Variants in SKI observed in about 807,000 individuals in gnomAD.
SKI encodes the protein ski oncogene.
In SKI, 23 loss-of-function variants were observed where a neutral mutation model predicts 59.3. The ratio of observed to expected loss-of-function variants is 0.39; its 90% CI spans 0.28 to 0.55. The LOEUF (loss-of-function observed/expected upper bound fraction) is 0.55. Among genes scored for constraint, SKI ranks in the 20% least tolerant of loss-of-function variants. The pLI is 0.67. For missense variants in SKI, 1,017 were observed against 1,038.9 expected, an observed-to-expected ratio of 0.98 and a Z score of 0.29; for synonymous variants, 673 against 488.6, an observed-to-expected ratio of 1.38 and a Z score of -4.98.
chr1:2,302,379 C>A (rs1158039415), intron 1 of SKI, among the ~76,000 whole-genome samples: 1 of 152,198 alleles, frequency 6.6e-6, no homozygotes, highest in African/African-American at 2.4e-5. Flanking sequence ...ATGTTTCCTT[C>A]CCATGGGGAG....
At chr1:2,260,661 C>A (rs1176339096) in intron 1 of SKI, among the ~76,000 whole-genome samples, 1 of 150,058 alleles carries the variant, frequency 6.7e-6, no homozygotes, top group Non-Finnish European at 1.5e-5. Flanking sequence ...CTGCCTCAGC[C>A]TCCTGGCTAG....
chr1:2,288,715 A>G (rs1640098523), intron 1 of SKI, among the ~76,000 whole-genome samples: 1 of 152,134 alleles, frequency 6.6e-6, no homozygotes, highest in Non-Finnish European at 1.5e-5. Flanking sequence ...CCACACATGG[A>G]TGAAACTAGC....
intron 1 of SKI, among the ~76,000 whole-genome samples, chr1:2,275,318 T>C (rs1450403810): frequency 6.6e-6 from 1 of 152,130 alleles, no homozygotes; most frequent in Non-Finnish European, 1.5e-5. Context: ...GAGTTCGAGG[T>C]TCCCACAGGG....
chr1:2,280,821 A>C (rs12120210), intron 1 of SKI, among the ~76,000 whole-genome samples: 2 of 9,246 alleles, frequency 2.2e-4, no homozygotes, highest in Non-Finnish European at 2.1e-4. Context: ...CTTCAGAGAG[A>C]GGACGCCCGA....
At chr1:2,235,965 A>G (rs1243770991) in intron 1 of SKI, among the ~76,000 whole-genome samples, 1 of 152,118 alleles carries the variant, frequency 6.6e-6, no homozygotes, top group East Asian at 1.9e-4. Flanking sequence ...GGGCTTTGAG[A>G]GGCGTCTCGG....
chr1:2,303,496 C>T lies in SKI; in HGVS notation c.1211+96C>T, dbSNP rs1640480301. The T allele has an allele frequency of 1.3e-5, 15 of 1,121,232 alleles. No homozygotes were observed. The Admixed American group carries it at 2.4e-4, about 18-fold the overall frequency. The allele number at this position is 1,121,232 out of a possible 1,614,324, so 69.5% of individuals were successfully genotyped here. ...GCCCATGTTTCTGCAGGCTGGGTGC[C>T]CAGACCTGCCGCCTTTTGGTCAGGG... On this transcript the variant is annotated intron_variant, in intron 3 of 6. Coordinates refer to ENST00000378536, the MANE Select transcript of SKI (RefSeq NM_003036.4). This position sits in a 1 kb window ranked among gnomAD's most constrained non-coding sequence, Gnocchi z 5.6.
chr1:2,241,215 A>G (rs1379198428), intron 1 of SKI, among the ~76,000 whole-genome samples: 1 of 152,194 alleles, frequency 6.6e-6, no homozygotes, highest in African/African-American at 2.4e-5. Flanking sequence ...GTCATTATGA[A>G]CTTGCGGCTT....
chr1:2,304,209 G>A (rs1166250084), intron 4 of SKI, 84 bp from the exon 5 acceptor site: 10 of 1,563,080 alleles, frequency 6.4e-6, no homozygotes, highest in African/African-American at 4.1e-5. Context: ...TGTTTCGCAG[G>A]TTCCTCCGGG....
rs1264397995 is a variant in SKI at position 2,270,890 on chromosome 1, G to A, written c.970-32088G>A. 1.3e-5 allele frequency among the ~76,000 whole-genome samples: 2 copies of A among 152,218 alleles called. No individual in the cohort carries two copies. The highest frequency in any genetic ancestry group is 2.9e-5 in the Non-Finnish European group (2 of 68,036). On this transcript the variant is annotated intron_variant, in intron 1 of 6. Transcript: ENST00000378536. The surrounding 1 kb of genome is among the most constrained non-coding windows in gnomAD (Gnocchi z 4.1). ...CTCCTGCCCCAGGGCACCTGGCCCT[G>A]TCCCGGGCCACCCCAGGCTGGACCA...
At chr1:2,288,530 T>C (rs1311724491) in intron 1 of SKI, among the ~76,000 whole-genome samples, 1 of 152,234 alleles carries the variant, frequency 6.6e-6, no homozygotes, top group African/African-American at 2.4e-5. Context: ...AGTGGCTCTT[T>C]TCAGAGGCAG....
intron 1 of SKI, among the ~76,000 whole-genome samples, chr1:2,291,701 A>C: frequency 3.0e-5 from 1 of 33,326 alleles, no homozygotes; most frequent in South Asian, 6.4e-4. Context: ...TGGCTCTGGC[A>C]TTGTGGGGGG....
At chr1:2,273,718 G>C (rs1475151506) in intron 1 of SKI, among the ~76,000 whole-genome samples, 2 of 152,234 alleles carry the variant, frequency 1.3e-5, no homozygotes, top group African/African-American at 4.8e-5. Flanking sequence ...GCCTCCCCCA[G>C]CATTGCACCA....
rs187821975 is a variant in SKI at position 2,301,242 on chromosome 1, G to A, written c.970-1736G>A. ...GCCAGGCATAGGCACAGCACCCTGCGGTCAGGGCCTCCGCCAGACGTCATC... is the reference window on the plus strand; with the variant it reads ...GCCAGGCATAGGCACAGCACCCTGCAGTCAGGGCCTCCGCCAGACGTCATC... On this transcript the variant is annotated intron_variant, in intron 1 of 6. Coordinates refer to ENST00000378536, the MANE Select transcript of SKI (RefSeq NM_003036.4). Among the ~76,000 whole-genome samples the A allele has an allele frequency of 1.3e-3, 204 of 152,332 alleles. 1 individual carries two copies. Among genetic ancestry groups the A allele is most frequent in the Non-Finnish European group, 9.3e-4 (63 of 68,028 alleles).
chr1:2,245,503 T>A (rs765858284), intron 1 of SKI, among the ~76,000 whole-genome samples: 4 of 151,704 alleles, frequency 2.6e-5, no homozygotes, highest in African/African-American at 7.2e-5. Context: ...GACAGCATCT[T>A]GCTCTGTTGC....
chr1:2,234,154 G>C (rs552713196), intron 1 of SKI, among the ~76,000 whole-genome samples: 25 of 152,276 alleles, frequency 1.6e-4, no homozygotes, highest in African/African-American at 6.0e-4. Flanking sequence ...AAGACGGCCG[G>C]CTGCTGAGTC....
intron 1 of SKI, among the ~76,000 whole-genome samples, chr1:2,288,589 C>T (rs965997787): frequency 1.3e-5 from 2 of 152,228 alleles, no homozygotes; most frequent in African/African-American, 4.8e-5. Context: ...GCGCGTGAGA[C>T]CCCCAGGTGG....
At chr1:2,302,865 C>A in intron 1 of SKI, 113 bp from the exon 2 acceptor site, 1 of 1,400,256 alleles carries the variant, frequency 7.1e-7, no homozygotes. Context: ...CACTCAGGGT[C>A]GTTTGTGGCC....
rs150683619 is a variant in SKI at position 2,273,433 on chromosome 1, C to T, written c.970-29545C>T. 4.9e-3 allele frequency among the ~76,000 whole-genome samples: 742 copies of T among 152,294 alleles called. 9 individuals are homozygous for T. Among genetic ancestry groups the T allele is most frequent in the Non-Finnish European group, 5.5e-3 (375 of 68,020 alleles). On this transcript the variant is annotated intron_variant, in intron 1 of 6. Transcript: ENST00000378536. ...TGGGAGCCACAGGGCTGAGATGGGA[C>T]TTCTCAGCTTGGCATGGGGAGGGCA... is the stretch of plus-strand genomic sequence containing the variant.
At chr1:2,249,845 G>T (rs995757860) in intron 1 of SKI, among the ~76,000 whole-genome samples, 2 of 152,190 alleles carry the variant, frequency 1.3e-5, no homozygotes. Context: ...GTTTGTTACA[G>T]TCAGAACATT....
Sources: allele counts gnomAD v4.1 joint callset (sites outside exome capture counted in the v4.1 genomes callset), GRCh38; gene constraint gnomAD v4.1.1; non-coding constraint Gnocchi (gnomAD v3.1); transcripts MANE v1.5; gene names NCBI Gene and HGNC (gene_info 2026-07-23, HGNC 2026-07-21).